STXBP5: variants seen among roughly 807,000 people sequenced by gnomAD.
STXBP5 encodes the protein syntaxin binding protein 5, also known as syntaxin-binding protein 5.
In STXBP5, 50 loss-of-function variants were observed where a neutral mutation model predicts 152.4. That is an observed-to-expected ratio of 0.33 (90% CI 0.26 to 0.42). STXBP5 has a LOEUF of 0.42. STXBP5 is among the 10% of genes least tolerant of loss of function. The pLI is 1.00. For missense variants in STXBP5, 1,167 were observed against 1,388.6 expected, an observed-to-expected ratio of 0.84 and a Z score of 2.54; for synonymous variants, 492 against 494.7, an observed-to-expected ratio of 0.99 and a Z score of 0.07.
intron 25 of STXBP5, 57 bp from the exon 26 acceptor site, chr6:147,373,674 C>G: frequency 7.8e-7 from 1 of 1,278,458 alleles, no homozygotes; most frequent in Non-Finnish European, 1.1e-6. Context: ...TACTTTTGTT[C>G]ATTATAGTTT....
At chr6:147,270,804 T>A (rs994459375) in intron 7 of STXBP5, among the ~76,000 whole-genome samples, 64 of 152,172 alleles carry the variant, frequency 4.2e-4, no homozygotes, top group Non-Finnish European at 1.0e-4. Context: ...ATTTTTGGCA[T>A]ACATAGAGTT....
chr6:147,260,594 G>C (rs968626140), intron 4 of STXBP5, 21 bp from the exon 5 acceptor site: 6 of 1,612,294 alleles, frequency 3.7e-6, no homozygotes, highest in African/African-American at 1.3e-5. Flanking sequence ...TTTCTTTTTT[G>C]AGTATATTTT....
Position 147,206,014 on chromosome 6 carries a change from T to G in STXBP5, c.194T>G (p.Phe65Cys), listed in dbSNP as rs1170636082. The G allele has an allele frequency of 6.2e-7, 1 of 1,614,178 alleles. No individual in the cohort carries two copies. Reference sequence around the variant, plus strand: ...CCCTATCAACCCTCAGCCCTGGCCTTTGATCCTGTACAGAAGATCCTGGCA... The same window carrying G: ...CCCTATCAACCCTCAGCCCTGGCCTGTGATCCTGTACAGAAGATCCTGGCA... ...GFPYQPSALAFDPVQKILAVG... is the reference protein window; with the variant it reads ...GFPYQPSALACDPVQKILAVG... The change falls in exon 2 of 28, where the codon TTT becomes TGT. Residue 65 changes from phenylalanine (F) to cysteine (C), a missense_variant. Phe to Cys is a radical substitution (Grantham distance 205, BLOSUM62 -2). Coordinates refer to ENST00000321680, the MANE Select transcript of STXBP5 (RefSeq NM_001127715.4).
intron 7 of STXBP5, among the ~76,000 whole-genome samples, chr6:147,270,331 G>A (rs760235768): frequency 9.3e-5 from 14 of 150,702 alleles, no homozygotes; most frequent in Non-Finnish European, 1.5e-4. Flanking sequence ...CCTGGGAGAC[G>A]GAGCTTGCAG....
intron 21 of STXBP5, among the ~76,000 whole-genome samples, chr6:147,343,670 A>G (rs774745743): frequency 1.3e-5 from 2 of 152,148 alleles, no homozygotes; most frequent in South Asian, 2.1e-4. Context: ...TGTCTTCTCA[A>G]TTCTTTTGTA....
chr6:147,274,202 T>C (rs1213114203), intron 7 of STXBP5, among the ~76,000 whole-genome samples: 1 of 152,094 alleles, frequency 6.6e-6, no homozygotes, highest in Non-Finnish European at 1.5e-5. Context: ...AATGAATAAT[T>C]TGGTCACATT....
chr6:147,304,087 A>G (rs1463456294), intron 9 of STXBP5, among the ~76,000 whole-genome samples: 2 of 152,236 alleles, frequency 1.3e-5, no homozygotes, highest in East Asian at 3.8e-4. Flanking sequence ...AGTAATGAGG[A>G]GCTGAATGTT....
chr6:147,231,800 C>G (rs1778020437), intron 2 of STXBP5, among the ~76,000 whole-genome samples: 1 of 151,640 alleles, frequency 6.6e-6, no homozygotes, highest in Non-Finnish European at 1.5e-5. Context: ...CTAAGCAGAT[C>G]TTCATTATAG....
chr6:147,378,363 A>AAG (rs1785912801), intron 26 of STXBP5, among the ~76,000 whole-genome samples: 3 of 151,696 alleles, frequency 2.0e-5, no homozygotes, highest in African/African-American at 7.2e-5. Flanking sequence ...ATAATATACC[A>AAG]AGACCAAGTT....
chr6:147,279,312 A>G (rs966870926), intron 8 of STXBP5, among the ~76,000 whole-genome samples: 4 of 152,196 alleles, frequency 2.6e-5, no homozygotes, highest in South Asian at 2.1e-4. Flanking sequence ...CCCTACGAGA[A>G]TCCTTCCTGG....
intron 7 of STXBP5, among the ~76,000 whole-genome samples, chr6:147,271,727 G>A (rs1780181036): frequency 6.6e-6 from 1 of 151,878 alleles, no homozygotes; most frequent in South Asian, 2.1e-4. Flanking sequence ...GAAACTAGAA[G>A]AAAAAGAGCA....
intron 22 of STXBP5, among the ~76,000 whole-genome samples, chr6:147,354,463 C>G (rs912378973): frequency 1.3e-5 from 2 of 150,566 alleles, no homozygotes; most frequent in African/African-American, 4.9e-5. Flanking sequence ...GTTTTCTCCA[C>G]CAAAAAAAAA....
At chr6:147,367,200 C>T (rs1458785566) in intron 25 of STXBP5, among the ~76,000 whole-genome samples, 2 of 152,276 alleles carry the variant, frequency 1.3e-5, no homozygotes, top group African/African-American at 4.8e-5. Flanking sequence ...GCAGATTTGA[C>T]ATTACAGAAG....
intron 25 of STXBP5, among the ~76,000 whole-genome samples, chr6:147,368,321 C>A (rs73787171): frequency 0.046 from 6,916 of 151,918 alleles, 180 homozygotes; most frequent in African/African-American, 0.063. Context: ...ACATTATGAC[C>A]AAGTGAGACC....
intron 16 of STXBP5, among the ~76,000 whole-genome samples, chr6:147,321,951 C>CT (rs1782957377): frequency 6.6e-6 from 1 of 152,190 alleles, no homozygotes; most frequent in Non-Finnish European, 1.5e-5. Context: ...GTTTGGCTGC[C>CT]TTTTTATTTT....
At chr6:147,325,262 C>A (rs562241525) in intron 17 of STXBP5, among the ~76,000 whole-genome samples, 178 bp downstream of exon 17, 1 of 152,332 alleles carries the variant, frequency 6.6e-6, no homozygotes, top group Middle Eastern at 3.4e-3. Flanking sequence ...GAATAACTTA[C>A]TTTGGGTATG....
chr6:147,380,645 G>GA (rs372984184), intron 26 of STXBP5, among the ~76,000 whole-genome samples: 14 of 145,490 alleles, frequency 9.6e-5, no homozygotes, highest in East Asian at 2.0e-4. Context: ...GCAACCAAAG[G>GA]AAAAAAAAAA....
rs927823591 is a variant in STXBP5 at position 147,278,014 on chromosome 6, G to T, written c.715-67G>T. 7 of 1,346,608 alleles carry T rather than the reference G, an allele frequency of 5.2e-6. No individual in the cohort carries two copies. In the African/African-American group the frequency reaches 8.9e-5, roughly 17 times the overall value. The allele number at this position is 1,346,608 out of a possible 1,614,324, so 83.4% of individuals were successfully genotyped here. Reference sequence around the variant, plus strand: ...AAGTTAAAAATGAAAATTAATAGATGAGATCATTTACAAATAGTTTACTGT... The same window carrying T: ...AAGTTAAAAATGAAAATTAATAGATTAGATCATTTACAAATAGTTTACTGT... On this transcript the variant is annotated intron_variant, in intron 7 of 27. Coordinates refer to ENST00000321680, the MANE Select transcript of STXBP5 (RefSeq NM_001127715.4).
intron 25 of STXBP5, among the ~76,000 whole-genome samples, chr6:147,366,358 A>G (rs1368083234): frequency 6.6e-6 from 1 of 152,236 alleles, no homozygotes; most frequent in African/African-American, 2.4e-5. Flanking sequence ...TTGTGTGGAT[A>G]TTAGTTTCCT....
Sources: gnomAD v4.1 joint callset for allele counts (sites outside exome capture counted in the v4.1 genomes callset) on GRCh38, gnomAD v4.1.1 for gene constraint, MANE v1.5 for transcripts, NCBI Gene and HGNC (gene_info 2026-07-23, HGNC 2026-07-21) for gene names.